Variants in DEUP1 observed in about 807,000 individuals in gnomAD.
DEUP1 encodes the protein deuterosome assembly protein 1.
DEUP1 carries 82 observed loss-of-function variants against 87.4 expected under a neutral mutation model. The ratio of observed to expected loss-of-function variants is 0.94; its 90% CI spans 0.78 to 1.13. The LOEUF is 1.13. Among genes scored for constraint, DEUP1 ranks in the 50% most tolerant of loss-of-function variants. The probability of loss-of-function intolerance (pLI) is 0.00; values close to 1 mark genes in which losing one functional copy is unlikely to be tolerated. For missense variants in DEUP1, 663 were observed against 681.5 expected, an observed-to-expected ratio of 0.97 and a Z score of 0.30; for synonymous variants, 214 against 222.7, an observed-to-expected ratio of 0.96 and a Z score of 0.35.
intron 3 of DEUP1, among the ~76,000 whole-genome samples, chr11:93,356,034 A>G (rs1284657998): frequency 1.3e-5 from 2 of 152,096 alleles, no homozygotes; most frequent in Admixed American, 1.3e-4. Flanking sequence ...GAGTTCCCTT[A>G]GTCCCTCTAG....
chr11:93,385,271 A>G, intron 7 of DEUP1, 127 bp from the exon 8 acceptor site: 1 of 851,382 alleles, frequency 1.2e-6, no homozygotes, highest in Non-Finnish European at 1.8e-6. Flanking sequence ...ATGAGACAGA[A>G]CAAGCAAAGG....
Position 93,364,299 on chromosome 11 carries a change from G to C in DEUP1, c.432+5G>C, listed in dbSNP as rs1945309755. On this transcript the variant is annotated splice_donor_5th_base_variant and intron_variant, in intron 5 of 13. Coordinates refer to ENST00000298050, the MANE Select transcript of DEUP1 (RefSeq NM_181645.4). Reference sequence around the variant, plus strand: ...AATTTGAACCAGAAATTAGAGGTGAGATATATTATCTTAGTTTCTTCATGT... The same window carrying C: ...AATTTGAACCAGAAATTAGAGGTGACATATATTATCTTAGTTTCTTCATGT... 1 of 1,605,302 alleles carries C rather than the reference G, an allele frequency of 6.2e-7. No homozygotes were observed. The highest frequency in any genetic ancestry group is 8.5e-7 in the Non-Finnish European group (1 of 1,173,462).
At chr11:93,396,777 T>C (rs1946958965) in intron 11 of DEUP1, among the ~76,000 whole-genome samples, 1 of 152,206 alleles carries the variant, frequency 6.6e-6, no homozygotes, top group Admixed American at 6.5e-5. Flanking sequence ...CCATGTCTTA[T>C]TGGTGTTTGT....
intron 13 of DEUP1, among the ~76,000 whole-genome samples, chr11:93,431,095 C>CAAAAAAAAAAAAAAAAAAAAAG: frequency 8.9e-6 from 1 of 112,634 alleles, no homozygotes; most frequent in Non-Finnish European, 1.8e-5. Context: ...AACACTGTCT[C>CAAAAAAAAAAAAAAAAAAAAAG]AAAAAAAAAA....
intron 11 of DEUP1, among the ~76,000 whole-genome samples, chr11:93,404,483 C>A (rs2134402885): frequency 6.6e-6 from 1 of 151,920 alleles, no homozygotes; most frequent in East Asian, 1.9e-4. Context: ...AAATTAGTAC[C>A]CTTACAATGA....
chr11:93,372,799 T>A (rs3020071), intron 7 of DEUP1, among the ~76,000 whole-genome samples: 2 of 151,988 alleles, frequency 1.3e-5, no homozygotes, highest in African/African-American at 4.8e-5. Flanking sequence ...AAGCCAGAAA[T>A]AGTCTGGAAA....
intron 3 of DEUP1, among the ~76,000 whole-genome samples, 187 bp from the exon 4 acceptor site, chr11:93,356,761 A>C (rs1944918064): frequency 6.6e-6 from 1 of 152,132 alleles, no homozygotes; most frequent in Non-Finnish European, 1.5e-5. Context: ...ACCTTGTGGA[A>C]TAGTGCTAGC....
At chr11:93,411,462 CA>C (rs1417739139) in intron 12 of DEUP1, among the ~76,000 whole-genome samples, 2 of 152,248 alleles carry the variant, frequency 1.3e-5, no homozygotes, top group South Asian at 2.1e-4. Context: ...CACTCTGAAG[CA>C]ACTCGGTTTT....
intron 11 of DEUP1, among the ~76,000 whole-genome samples, chr11:93,397,570 C>G (rs1303594406): frequency 2.0e-5 from 3 of 152,098 alleles, no homozygotes. Flanking sequence ...CTGAGCCTGC[C>G]TAATTCTGGC....
intron 7 of DEUP1, among the ~76,000 whole-genome samples, chr11:93,380,076 C>T (rs1946229392): frequency 6.6e-6 from 1 of 152,124 alleles, no homozygotes. Flanking sequence ...GTCACCACAA[C>T]AAGGAAAGGA....
rs771869454 is a variant in DEUP1, at chr11:93,355,512, A to G, written c.171A>G (p.Ala57=). The G allele has an allele frequency of 1.2e-6, 2 of 1,613,832 alleles. No homozygotes were observed. The highest frequency in any genetic ancestry group is 1.7e-6 in the Non-Finnish European group (2 of 1,179,798). Residue 57 remains alanine (A), a synonymous_variant, in exon 3 of 14, where the codon GCA becomes GCG. Coordinates refer to ENST00000298050, the MANE Select transcript of DEUP1 (RefSeq NM_181645.4). ...LDLRDQELAN[A]QTCLDQKGQE... is the part of the protein sequence containing the mutation. ...TTCGGGATCAAGAATTGGCAAATGC[A>G]CAAACTTGTTTGGATCAGAAAGGTC...
rs1036226971 is a variant in DEUP1 at position 93,432,835 on chromosome 11, T to C, written c.1639-4708T>C. On this transcript the variant is annotated intron_variant, in intron 13 of 13. Transcript: ENST00000298050. ...TAGATTAAGCATGCTGGAAGGATGA[T>C]GGATAGGTTGCTTTAAATCTCAATT... Among the ~76,000 whole-genome samples the C allele has an allele frequency of 4.6e-5, 7 of 152,214 alleles. No individual in the cohort carries two copies. In the East Asian group the frequency reaches 1.2e-3, roughly 25 times the overall value.
intron 7 of DEUP1, among the ~76,000 whole-genome samples, chr11:93,381,977 C>T (rs1190301353): frequency 2.0e-5 from 3 of 152,076 alleles, no homozygotes; most frequent in African/African-American, 7.2e-5. Context: ...TCTCATATTA[C>T]ATGCTAAGTA....
At chr11:93,345,250 A>G (rs1203277328) in intron 2 of DEUP1, among the ~76,000 whole-genome samples, 5 of 152,134 alleles carry the variant, frequency 3.3e-5, no homozygotes. Flanking sequence ...TCTTTACTCC[A>G]TCTACCACTG....
intron 7 of DEUP1, among the ~76,000 whole-genome samples, chr11:93,373,021 A>G (rs1001326396): frequency 6.6e-6 from 1 of 152,214 alleles, no homozygotes; most frequent in Non-Finnish European, 1.5e-5. Flanking sequence ...CGCTAAGTAT[A>G]TGACAACTGG....
chr11:93,383,688 CTA>C, intron 7 of DEUP1: 1 of 581,824 alleles, frequency 1.7e-6, no homozygotes, highest in Non-Finnish European at 3.1e-6. Flanking sequence ...TTCAGTATAT[CTA>C]TATATTAAGA....
intron 2 of DEUP1, among the ~76,000 whole-genome samples, chr11:93,345,034 A>C (rs1039784923): frequency 1.3e-5 from 2 of 151,896 alleles, no homozygotes; most frequent in Non-Finnish European, 2.9e-5. Flanking sequence ...GATAGGCCTG[A>C]GTGTCTATTG....
At chr11:93,387,724 T>G (rs1028688608) in intron 8 of DEUP1, among the ~76,000 whole-genome samples, 1 of 152,190 alleles carries the variant, frequency 6.6e-6, no homozygotes, top group Admixed American at 6.5e-5. Context: ...TTAAAAAATA[T>G]GGAAATTTTT....
intron 11 of DEUP1, among the ~76,000 whole-genome samples, chr11:93,399,886 GA>G (rs1268865235): frequency 6.6e-6 from 1 of 151,902 alleles, no homozygotes; most frequent in Non-Finnish European, 1.5e-5. Context: ...GTGCTTGCTG[GA>G]AAGTTTTCTA....
Sources: gnomAD v4.1 joint callset for allele counts (sites outside exome capture counted in the v4.1 genomes callset) on GRCh38, gnomAD v4.1.1 for gene constraint, MANE v1.5 for transcripts, NCBI Gene and HGNC (gene_info 2026-07-23, HGNC 2026-07-21) for gene names.